Variants in SYNPR observed in about 807,000 individuals in gnomAD.
SYNPR encodes synaptoporin.
SYNPR carries 23 observed loss-of-function variants against 32.9 expected under a neutral mutation model. The ratio of observed to expected loss-of-function variants is 0.70; its 90% confidence interval spans 0.50 to 0.99. SYNPR has a LOEUF of 0.99. Among genes scored for constraint, SYNPR ranks in the 50% least tolerant of loss-of-function variants. SYNPR has a pLI of 0.00. For missense variants in SYNPR, 318 were observed against 349.3 expected (o/e 0.91, Z 0.71); for synonymous variants, 146 against 135.9 (o/e 1.07, Z -0.52).
rs542171307 is a variant in SYNPR, at chr3:63,423,036, C to T, written c.85-57796C>T. On this transcript the variant is annotated intron_variant, in intron 2 of 5. Coordinates refer to ENST00000478300, the MANE Select transcript of SYNPR (RefSeq NM_001130003.2). ...ATGTCTAGAAAAACACATTGCAGAT[C>T]GATTGTTCATTATGATAACATCTAT... 1.5e-3 allele frequency among the ~76,000 whole-genome samples: 230 copies of T among 152,110 alleles called. 2 individuals are homozygous for T. Among genetic ancestry groups the T allele is most frequent in the African/African-American group, 5.3e-3 (220 of 41,500 alleles).
intron 3 of SYNPR, among the ~76,000 whole-genome samples, chr3:63,513,188 G>T (rs1208896390): frequency 8.2e-6 from 1 of 121,860 alleles, no homozygotes; most frequent in Non-Finnish European, 1.6e-5. Flanking sequence ...CACATAAGGA[G>T]AATTTGTTGT....
At chr3:63,469,610 T>C (rs1185112180) in intron 2 of SYNPR, among the ~76,000 whole-genome samples, 4 of 152,206 alleles carry the variant, frequency 2.6e-5, no homozygotes, top group African/African-American at 9.6e-5. Flanking sequence ...ATCTTATTAT[T>C]CCATTTTGAC....
At chr3:63,583,750 T>A (rs1703133648) in intron 4 of SYNPR, among the ~76,000 whole-genome samples, 1 of 152,156 alleles carries the variant, frequency 6.6e-6, no homozygotes, top group African/African-American at 2.4e-5. Context: ...TTTTCCAACA[T>A]ATGAATAGGA....
intron 2 of SYNPR, among the ~76,000 whole-genome samples, chr3:63,348,320 A>G (rs951276604): frequency 6.6e-6 from 1 of 151,990 alleles, no homozygotes; most frequent in African/African-American, 2.4e-5. Flanking sequence ...GACCATTTAC[A>G]TGTCTTCTTT....
intron 2 of SYNPR, among the ~76,000 whole-genome samples, chr3:63,282,040 T>C (rs565294889): frequency 2.1e-4 from 32 of 152,170 alleles, no homozygotes; most frequent in Admixed American, 3.3e-4. Context: ...AATTAAAATA[T>C]GGCTTAACAT....
chr3:63,277,570 T>G (rs1372353068), upstream of SYNPR, among the ~76,000 whole-genome samples: 1 of 152,206 alleles, frequency 6.6e-6, no homozygotes, highest in Non-Finnish European at 1.5e-5. Flanking sequence ...ATTCCCTGTT[T>G]AGCCTTTCAT....
intron 3 of SYNPR, among the ~76,000 whole-genome samples, chr3:63,482,626 C>G (rs1173779953): frequency 6.6e-6 from 1 of 152,188 alleles, no homozygotes; most frequent in Non-Finnish European, 1.5e-5. Flanking sequence ...ACTTTGCTTA[C>G]CACATCTTAC....
At chr3:63,376,154 A>T (rs750816221) in intron 2 of SYNPR, among the ~76,000 whole-genome samples, 11 of 152,116 alleles carry the variant, frequency 7.2e-5, no homozygotes, top group Non-Finnish European at 1.2e-4. Flanking sequence ...TCCTAGCCCA[A>T]ACCATTGCCA....
At chr3:63,381,681 T>C (rs1265793535) in intron 2 of SYNPR, among the ~76,000 whole-genome samples, 1 of 152,218 alleles carries the variant, frequency 6.6e-6, no homozygotes, top group African/African-American at 2.4e-5. Context: ...ATTGGTATAT[T>C]TGGACCATTT....
intron 1 of SYNPR, among the ~76,000 whole-genome samples, chr3:63,244,542 A>T (rs1401266225): frequency 6.6e-6 from 1 of 152,070 alleles, no homozygotes; most frequent in Non-Finnish European, 1.5e-5. Context: ...TCTTTAACTC[A>T]TCCAACTGCC....
At chr3:63,433,679 C>T (rs1700031126) in intron 2 of SYNPR, among the ~76,000 whole-genome samples, 1 of 152,120 alleles carries the variant, frequency 6.6e-6, no homozygotes, top group South Asian at 2.1e-4. Context: ...GGCTGCAGCG[C>T]CTCCCCTTGC....
the SYNPR span, among the ~76,000 whole-genome samples, chr3:63,220,209 A>G: frequency 6.6e-6 from 1 of 152,206 alleles, no homozygotes; most frequent in African/African-American, 2.4e-5. Flanking sequence ...TCCAGGTTAG[A>G]GGTGACAAAA....
At chr3:63,466,588 T>C (rs1700685180) in intron 2 of SYNPR, among the ~76,000 whole-genome samples, 1 of 152,098 alleles carries the variant, frequency 6.6e-6, no homozygotes, top group Admixed American at 6.5e-5. Context: ...TCATGAAAGG[T>C]TGTGTGTTAG....
At chr3:63,394,609 C>T (rs1315098815) in intron 2 of SYNPR, among the ~76,000 whole-genome samples, 2 of 152,100 alleles carry the variant, frequency 1.3e-5, no homozygotes, top group Non-Finnish European at 2.9e-5. Context: ...AGATCAGAGG[C>T]GTCATTCAGC....
chr3:63,507,034 C>T (rs1701601564), intron 3 of SYNPR, among the ~76,000 whole-genome samples: 1 of 151,908 alleles, frequency 6.6e-6, no homozygotes, highest in South Asian at 2.1e-4. Flanking sequence ...GAACTAGCCT[C>T]AGAAATGATG....
chr3:63,414,122 G>A (rs1163750588), intron 2 of SYNPR, among the ~76,000 whole-genome samples: 1 of 151,892 alleles, frequency 6.6e-6, no homozygotes, highest in Non-Finnish European at 1.5e-5. Flanking sequence ...GACAACCTCT[G>A]TTTTGAAGCC....
intron 4 of SYNPR, among the ~76,000 whole-genome samples, chr3:63,585,941 C>T (rs1398805840): frequency 2.4e-4 from 37 of 152,050 alleles, no homozygotes; most frequent in Non-Finnish European, 2.4e-4. Flanking sequence ...ATAAAAACAT[C>T]TATGAATCCA....
chr3:63,482,657 G>T (rs971753460), intron 3 of SYNPR, among the ~76,000 whole-genome samples: 19 of 152,176 alleles, frequency 1.2e-4, no homozygotes, highest in Admixed American at 5.9e-4. Flanking sequence ...TACTGTTAAG[G>T]AAGCAGTATT....
At chr3:63,256,118 G>A (rs1404178530) in intron 2 of SYNPR, among the ~76,000 whole-genome samples, 1 of 152,224 alleles carries the variant, frequency 6.6e-6, no homozygotes, top group Non-Finnish European at 1.5e-5. Flanking sequence ...AAGCCTGCCT[G>A]CCTCTGTAGG....
Sources: allele counts gnomAD v4.1 joint callset (sites outside exome capture counted in the v4.1 genomes callset), GRCh38; gene constraint gnomAD v4.1.1; transcripts MANE v1.5; gene names NCBI Gene and HGNC (gene_info 2026-07-23, HGNC 2026-07-21).